Variants in GRIA1 observed in about 807,000 individuals in gnomAD.
GRIA1 encodes the protein glutamate receptor 1.
In GRIA1, 31 loss-of-function variants were observed where a neutral mutation model predicts 99.2. The ratio of observed to expected loss-of-function variants is 0.31; its 90% CI spans 0.23 to 0.42. The LOEUF is 0.42. Among genes scored for constraint, GRIA1 ranks in the 10% least tolerant of loss-of-function variants. GRIA1 has a pLI of 1.00. For synonymous variants in GRIA1, 438 were observed against 432.4 expected (o/e 1.01, Z -0.16); for missense variants, 782 against 1,157.5 (o/e 0.68, Z 4.71).
At chr5:153,757,711 T>G (rs1309178505) in intron 11 of GRIA1, among the ~76,000 whole-genome samples, 2 of 152,172 alleles carry the variant, frequency 1.3e-5, no homozygotes, top group African/African-American at 4.8e-5. Context: ...AAAAGCTATT[T>G]GTCAGAATTG....
intron 14 of GRIA1, among the ~76,000 whole-genome samples, chr5:153,797,145 C>T (rs1203582379): frequency 6.6e-6 from 1 of 152,176 alleles, no homozygotes; most frequent in African/African-American, 2.4e-5. Context: ...TTCCATTACC[C>T]CCACGCCCTA....
At chr5:153,776,506 G>C (rs1361590526) in intron 13 of GRIA1, among the ~76,000 whole-genome samples, 1 of 152,108 alleles carries the variant, frequency 6.6e-6, no homozygotes, top group Non-Finnish European at 1.5e-5. Flanking sequence ...CAAGCTTTCC[G>C]GCACACCAGC....
intron 11 of GRIA1, chr5:153,755,342 A>C (rs1762757210): frequency 6.6e-6 from 1 of 152,320 alleles, no homozygotes; most frequent in African/African-American, 2.4e-5. Flanking sequence ...GGAGGCAAGA[A>C]GTCCAGTTCA....
chr5:153,664,575 T>C (rs76680792), intron 5 of GRIA1, among the ~76,000 whole-genome samples: 3,851 of 152,122 alleles, frequency 0.025, 181 homozygotes, highest in African/African-American at 0.088. Context: ...AAGATCAAGT[T>C]TGGGTCCACT....
At chr5:153,614,950 C>T (rs1260955041) in intron 2 of GRIA1, among the ~76,000 whole-genome samples, 1 of 152,154 alleles carries the variant, frequency 6.6e-6, no homozygotes, top group Non-Finnish European at 1.5e-5. Context: ...ATCAGATTCT[C>T]CAGAAACATC....
chr5:153,792,013 C>T (rs898712129), intron 13 of GRIA1, among the ~76,000 whole-genome samples: 5 of 151,970 alleles, frequency 3.3e-5, no homozygotes, highest in African/African-American at 9.7e-5. Flanking sequence ...GATCTAAAAT[C>T]ACAGAGAACA....
intron 11 of GRIA1, among the ~76,000 whole-genome samples, chr5:153,716,302 A>T (rs1335129104): frequency 6.6e-6 from 1 of 152,314 alleles, no homozygotes; most frequent in Non-Finnish European, 1.5e-5. Context: ...AACCTGTGTC[A>T]GTCTGATTCT....
At chr5:153,628,204 A>C (rs1359677961) in intron 2 of GRIA1, among the ~76,000 whole-genome samples, 1 of 152,232 alleles carries the variant, frequency 6.6e-6, no homozygotes, top group Non-Finnish European at 1.5e-5. Flanking sequence ...GGTGGTGTCT[A>C]AGTGGGACCT....
chr5:153,695,815 GA>G (rs1166289545), intron 8 of GRIA1, among the ~76,000 whole-genome samples: 6 of 152,190 alleles, frequency 3.9e-5, no homozygotes, highest in Admixed American at 2.0e-4. Context: ...CTCCCCGTCA[GA>G]CCTCCGAGCT....
At chr5:153,580,855 G>A (rs576496831) in intron 2 of GRIA1, among the ~76,000 whole-genome samples, 1 of 152,150 alleles carries the variant, frequency 6.6e-6, no homozygotes, top group Non-Finnish European at 1.5e-5. Context: ...AGGCATCCTG[G>A]TACCTTAGCA....
At chr5:153,700,472 G>A (rs1310976689) in intron 10 of GRIA1, among the ~76,000 whole-genome samples, 3 of 152,188 alleles carry the variant, frequency 2.0e-5, no homozygotes, top group East Asian at 1.9e-4. Flanking sequence ...AAATAAGTAA[G>A]GTGTGAGAGG....
At chr5:153,577,042 G>GTGGA (rs201687983) in intron 2 of GRIA1, among the ~76,000 whole-genome samples, 71,143 of 104,140 alleles carry the variant, frequency 0.68, 27,087 homozygotes, top group East Asian at 0.88. Flanking sequence ...AGATGAATGG[G>GTGGA]TGGATGGATG....
At chr5:153,611,899 G>A (rs1766022646) in intron 2 of GRIA1, among the ~76,000 whole-genome samples, 1 of 152,236 alleles carries the variant, frequency 6.6e-6, no homozygotes, top group Non-Finnish European at 1.5e-5. Flanking sequence ...GAAGCAGTGT[G>A]TTCTGTTGGA....
In GRIA1 at chr5:153,668,860, G is replaced by C. The variant is rs553796787; in HGVS notation, c.700-5640G>C. ...GGGTGACATATTCTGGCTATTAACT[G>C]TGCCAGCCACAGTCTGAGGTTCATT... is the stretch of plus-strand genomic sequence containing the variant. On this transcript the variant is annotated intron_variant, in intron 5 of 15. Coordinates refer to ENST00000285900, the MANE Select transcript of GRIA1 (RefSeq NM_000827.4). Among the ~76,000 whole-genome samples, 131 of 152,340 alleles carry C rather than the reference G, an allele frequency of 8.6e-4. 1 individual carries two copies. The highest frequency in any genetic ancestry group is 3.4e-3 in the Middle Eastern group (1 of 294).
chr5:153,652,951 G>C (rs1420146773), intron 4 of GRIA1, among the ~76,000 whole-genome samples: 1 of 152,108 alleles, frequency 6.6e-6, no homozygotes, highest in Non-Finnish European at 1.5e-5. Context: ...TTCAGTAACT[G>C]CATACAGTCT....
intron 2 of GRIA1, among the ~76,000 whole-genome samples, chr5:153,546,260 T>C (rs112317282): frequency 1.1e-3 from 173 of 152,308 alleles, no homozygotes; most frequent in African/African-American, 4.1e-3. Flanking sequence ...GAATCATCAT[T>C]GTGCAAACAT....
chr5:153,562,363 C>G (rs1304797611), intron 2 of GRIA1, among the ~76,000 whole-genome samples: 4 of 152,144 alleles, frequency 2.6e-5, no homozygotes, highest in Non-Finnish European at 2.9e-5. Flanking sequence ...CCTGACCCAA[C>G]ACACTGTTGT....
intron 2 of GRIA1, among the ~76,000 whole-genome samples, chr5:153,569,638 C>T (rs1442988309): frequency 1.3e-5 from 2 of 152,146 alleles, no homozygotes; most frequent in African/African-American, 4.8e-5. Context: ...TTGCTTAGTA[C>T]TTCTTTCTTA....
chr5:153,685,166 A>C (rs1757254192), intron 7 of GRIA1, among the ~76,000 whole-genome samples: 1 of 152,140 alleles, frequency 6.6e-6, no homozygotes, highest in African/African-American at 2.4e-5. Flanking sequence ...TAGACACCTC[A>C]CCTCACTGGC....
Sources: allele counts gnomAD v4.1 joint callset (sites outside exome capture counted in the v4.1 genomes callset), GRCh38; gene constraint gnomAD v4.1.1; transcripts MANE v1.5; gene names NCBI Gene and HGNC (gene_info 2026-07-23, HGNC 2026-07-21).